The following SNAPC1 variants were observed in gnomAD, a reference collection of about 807,000 sequenced individuals.
SNAPC1 encodes the protein snRNA-activating protein complex subunit 1.
In SNAPC1, 42 loss-of-function variants were observed where a neutral mutation model predicts 50.1. That is an observed-to-expected ratio of 0.84 (90% confidence interval 0.65 to 1.08). SNAPC1 has a LOEUF of 1.08. Ranked by LOEUF, SNAPC1 falls within the 50% of genes least tolerant of loss-of-function variation. The pLI is 0.00. For synonymous variants in SNAPC1, 164 were observed against 144.2 expected (o/e 1.14, Z -0.98); for missense variants, 477 against 427.3 (o/e 1.12, Z -1.02).
intron 7 of SNAPC1, among the ~76,000 whole-genome samples, chr14:61,779,177 C>T (rs1186572968): frequency 6.6e-6 from 1 of 152,132 alleles, no homozygotes; most frequent in African/African-American, 2.4e-5. Flanking sequence ...TGTCTTCCAG[C>T]TTCTAGTATT....
chr14:61,793,404 G>A (rs185813932), intron 9 of SNAPC1, among the ~76,000 whole-genome samples: 6 of 151,856 alleles, frequency 4.0e-5, no homozygotes, highest in African/African-American at 1.2e-4. Context: ...CACCATGCCT[G>A]GCTAATTTTT....
intron 4 of SNAPC1, among the ~76,000 whole-genome samples, chr14:61,774,964 A>G (rs553542248): frequency 2.0e-5 from 3 of 152,150 alleles, no homozygotes; most frequent in African/African-American, 7.2e-5. Context: ...TGCCTGGCCT[A>G]GTTTCTCATT....
At chr14:61,782,195 T>A (rs1463335301) in intron 7 of SNAPC1, 52 bp from the exon 8 acceptor site, 1 of 1,299,156 alleles carries the variant, frequency 7.7e-7, no homozygotes, top group Non-Finnish European at 1.1e-6. Flanking sequence ...CTCAATTTTA[T>A]CATTTGGATT....
intron 8 of SNAPC1, among the ~76,000 whole-genome samples, chr14:61,784,559 C>T (rs1193576306): frequency 6.6e-6 from 1 of 152,080 alleles, no homozygotes; most frequent in Non-Finnish European, 1.5e-5. Context: ...GTGTTTCTGT[C>T]ACAACTACTC....
chr14:61,772,781 C>T lies in SNAPC1; in HGVS notation c.535-3314C>T, dbSNP rs2045001919. The stretch of plus-strand genomic sequence containing the variant: ...TTTCAACATGCTTTTTCATTCTAAG[C>T]TCTTTTAAGTTGGGGTTGATGAACA... On this transcript the variant is annotated intron_variant, in intron 4 of 9. Coordinates refer to ENST00000216294, the MANE Select transcript of SNAPC1 (RefSeq NM_003082.4). 3.9e-5 allele frequency among the ~76,000 whole-genome samples: 6 copies of T among 152,246 alleles called. No individual in the cohort carries two copies. The South Asian group carries it at 1.2e-3, about 32-fold the overall frequency.
At chr14:61,768,542 T>A in intron 3 of SNAPC1, 94 bp from the exon 4 acceptor site, 1 of 675,760 alleles carries the variant, frequency 1.5e-6, no homozygotes, top group Non-Finnish European at 2.5e-6. Flanking sequence ...CTGTGTTTAC[T>A]TATAGACAAT....
intron 5 of SNAPC1, among the ~76,000 whole-genome samples, chr14:61,776,538 G>A (rs1463916885): frequency 1.3e-5 from 2 of 151,902 alleles, no homozygotes; most frequent in Admixed American, 1.3e-4. Context: ...GCATTTTTTA[G>A]GGGTTGCACA....
chr14:61,768,734 A>G lies in SNAPC1; in HGVS notation c.528A>G (p.Val176=), dbSNP rs747484521. The G allele has an allele frequency of 1.3e-6, 2 of 1,568,652 alleles. No homozygotes were observed. Among genetic ancestry groups the G allele is most frequent in the Non-Finnish European group, 8.7e-7 (1 of 1,148,114 alleles). Residue 176 remains valine, a synonymous_variant, in exon 4 of 10, where the codon GTA becomes GTG. Transcript: ENST00000216294. ...DRVMKLITSD[V]LEEMLNVHDH... ...TGATGAAACTTATCACTTCTGATGTATTAGAGGTAAATTTTCTTTTATGCT... is the reference window on the plus strand; with the variant it reads ...TGATGAAACTTATCACTTCTGATGTGTTAGAGGTAAATTTTCTTTTATGCT...
rs71117854 is a variant in SNAPC1, at chr14:61,763,486, C to CTTTT, written c.128+915_128+918dup. Among the ~76,000 whole-genome samples, 206 of 97,946 alleles carry CTTTT rather than the reference C, an allele frequency of 2.1e-3. 2 individuals are homozygous for CTTTT. Among genetic ancestry groups the CTTTT allele is most frequent in the African/African-American group, 2.5e-3 (68 of 26,790 alleles). 64.3% of individuals were successfully genotyped at this position (97,946 alleles called of 152,430 possible). A position where few individuals can be genotyped will look rare whatever the true frequency, so the allele number is the denominator to read the frequency against. ...ACTCACTTTCTTGCTCCAGCAGCTG[C>CTTTT]TTTTTTTTTTTTTTTTTTTTCTTTG... is the stretch of plus-strand genomic sequence containing the variant. On this transcript the variant is annotated intron_variant, in intron 1 of 9. Transcript: ENST00000216294.
At chr14:61,779,244 T>G (rs1381411435) in intron 7 of SNAPC1, among the ~76,000 whole-genome samples, 1 of 152,220 alleles carries the variant, frequency 6.6e-6, no homozygotes, top group Non-Finnish European at 1.5e-5. Flanking sequence ...AAATTTCATT[T>G]AATACATATA....
rs2044952387 is a variant in SNAPC1, at chr14:61,766,938, G to A, written c.191G>A (p.Arg64Gln). ...FTKEALALAW[R>Q]YFLPPYTFQI... ...AAAGAAGCTTTAGCTTTGGCTTGGC[G>A]ATATTTTTTACCTCCATACACCTTC... The change falls in exon 2 of 10, where the codon CGA becomes CAA. Residue 64 changes from arginine to glutamine, a missense_variant. Coordinates refer to ENST00000216294, the MANE Select transcript of SNAPC1 (RefSeq NM_003082.4). 1.9e-6 allele frequency: 3 copies of A among 1,611,350 alleles called. No individual in the cohort carries two copies. Among genetic ancestry groups the A allele is most frequent in the Non-Finnish European group, 2.5e-6 (3 of 1,177,656 alleles).
intron 8 of SNAPC1, among the ~76,000 whole-genome samples, chr14:61,792,002 C>T (rs2045155193): frequency 6.6e-6 from 1 of 150,988 alleles, no homozygotes; most frequent in South Asian, 2.1e-4. Context: ...GCTCAGGAGG[C>T]AGAGGCAGGA....
rs1315037229 is a variant in SNAPC1, at chr14:61,767,237, A to G, written c.314A>G (p.Asp105Gly). ...QKIRVALKDW[D>G]EVLKFQQDLV... ...ATCAGAGTTGCCCTGAAGGATTGGG[A>G]TGAAGTTTTAAAATTTCAGCAAGAT... is the stretch of plus-strand genomic sequence containing the variant. The change falls in exon 3 of 10, where the codon GAT becomes GGT. Residue 105 changes from aspartate to glycine, a missense_variant. Physicochemically the swap from Asp to Gly is moderately conservative, Grantham distance 94. Coordinates refer to ENST00000216294, the MANE Select transcript of SNAPC1 (RefSeq NM_003082.4). 1 of 1,510,702 alleles carries G rather than the reference A, an allele frequency of 6.6e-7. No homozygotes were observed. Among genetic ancestry groups the G allele is most frequent in the East Asian group, 2.5e-5 (1 of 40,812 alleles). 93.6% of individuals were successfully genotyped at this position (1,510,702 alleles called of 1,614,324 possible). A position where few individuals can be genotyped will look rare whatever the true frequency, so the allele number is the denominator to read the frequency against.
intron 8 of SNAPC1, among the ~76,000 whole-genome samples, chr14:61,783,448 T>A (rs926189749): frequency 6.6e-5 from 10 of 151,202 alleles, no homozygotes; most frequent in Non-Finnish European, 1.0e-4. Flanking sequence ...GATGTCCTTT[T>A]TCTTTGACAC....
At chr14:61,790,683 CT>C (rs2045145860) in intron 8 of SNAPC1, among the ~76,000 whole-genome samples, 3 of 152,088 alleles carry the variant, frequency 2.0e-5, no homozygotes, top group African/African-American at 7.2e-5. Flanking sequence ...TGTCCAAGAC[CT>C]TCTAGATAAT....
chr14:61,776,962 C>G (rs1477738907), intron 5 of SNAPC1, among the ~76,000 whole-genome samples: 3 of 152,208 alleles, frequency 2.0e-5, no homozygotes, highest in Admixed American at 6.5e-5. Context: ...AACCTAAAGG[C>G]TAGCCTTGTG....
chr14:61,781,450 CAAAAAAAAAAA>C (rs769588943), intron 7 of SNAPC1, among the ~76,000 whole-genome samples: 2 of 63,608 alleles, frequency 3.1e-5, no homozygotes, highest in African/African-American at 1.1e-4. Flanking sequence ...ACTCCATCTC[CAAAAAAAAAAA>C]AAAAAAAAGG....
chr14:61,792,388 GAAAA>G (rs1257278350), intron 8 of SNAPC1, among the ~76,000 whole-genome samples: 1 of 152,134 alleles, frequency 6.6e-6, no homozygotes, highest in African/African-American at 2.4e-5. Context: ...TATGTGGTGA[GAAAA>G]GAAAGTATGT....
chr14:61,780,562 TC>T (rs1452013072), intron 7 of SNAPC1, among the ~76,000 whole-genome samples: 18 of 152,222 alleles, frequency 1.2e-4, no homozygotes, highest in African/African-American at 4.3e-4. Flanking sequence ...GAATTAATTT[TC>T]TTATAGATTA....
Sources: allele counts gnomAD v4.1 joint callset (sites outside exome capture counted in the v4.1 genomes callset), GRCh38; gene constraint gnomAD v4.1.1; transcripts MANE v1.5; gene names NCBI Gene and HGNC (gene_info 2026-07-23, HGNC 2026-07-21).